PTPRN2: variants seen among roughly 807,000 people sequenced by gnomAD.
PTPRN2 encodes the protein receptor-type tyrosine-protein phosphatase N2.
In PTPRN2, 74 loss-of-function variants were observed where a neutral mutation model predicts 118.8. The observed-to-expected ratio is 0.62, with a 90% CI of 0.52 to 0.76. The LOEUF is 0.76. Among genes scored for constraint, PTPRN2 ranks in the 30% least tolerant of loss-of-function variants. PTPRN2 has a pLI of 0.00. For synonymous variants in PTPRN2, 641 were observed against 608.0 expected (o/e 1.05, Z -0.80); for missense variants, 1,481 against 1,394.4 (o/e 1.06, Z -0.99).
intron 12 of PTPRN2, among the ~76,000 whole-genome samples, chr7:157,802,116 C>T (rs748799121): frequency 6.6e-6 from 1 of 152,186 alleles, no homozygotes; most frequent in African/African-American, 2.4e-5. Flanking sequence ...CGAGGCCCAC[C>T]GTGTTGACAC....
intron 13 of PTPRN2, among the ~76,000 whole-genome samples, chr7:157,673,558 C>G (rs2150786018): frequency 6.6e-6 from 1 of 152,204 alleles, no homozygotes; most frequent in East Asian, 1.9e-4. Context: ...GCTGTCTGCC[C>G]CTGGAAGCCC....
chr7:158,210,540 G>C lies in PTPRN2; in HGVS notation c.278-5267C>G, dbSNP rs566723099. On this transcript the variant is annotated intron_variant, in intron 3 of 22. Transcript: ENST00000389418. ...CAAAAGATCAATGAAACAAAAAGTT[G>C]GTTTTTGAAAAGATAAAATTGACAA... 2.0e-5 allele frequency among the ~76,000 whole-genome samples: 3 copies of C among 151,968 alleles called. No individual in the cohort carries two copies. The South Asian group carries it at 6.2e-4, about 32-fold the overall frequency.
chr7:158,441,438 GGCA>G (rs1434351552), intron 2 of PTPRN2, among the ~76,000 whole-genome samples: 2 of 146,402 alleles, frequency 1.4e-5, no homozygotes. Flanking sequence ...TGATGGTGAT[GGCA>G]GTGGTGGCAG....
At chr7:157,968,416 C>T (rs146637185) in intron 11 of PTPRN2, among the ~76,000 whole-genome samples, 166 of 152,244 alleles carry the variant, frequency 1.1e-3, no homozygotes, top group Non-Finnish European at 1.9e-3. Flanking sequence ...CAGAGCCTTC[C>T]ATCAATCTGT....
intron 12 of PTPRN2, among the ~76,000 whole-genome samples, chr7:157,776,160 CTCCTCCCTG>C (rs1803210109): frequency 6.9e-6 from 1 of 145,978 alleles, no homozygotes; most frequent in South Asian, 2.3e-4. Context: ...CCTTTTTCAC[CTCCTCCCTG>C]TCCTCCTTCT....
At chr7:158,155,499 T>A (rs201933137) in intron 6 of PTPRN2, among the ~76,000 whole-genome samples, 49 of 86,730 alleles carry the variant, frequency 5.6e-4, no homozygotes, top group South Asian at 1.7e-3. Context: ...ACCATCACCA[T>A]CATCACCAAT....
chr7:158,246,510 G>A (rs964613869), intron 3 of PTPRN2, among the ~76,000 whole-genome samples: 1 of 151,042 alleles, frequency 6.6e-6, no homozygotes, highest in African/African-American at 2.4e-5. Context: ...CTGACGATAA[G>A]AAAATGTGAG....
intron 12 of PTPRN2, among the ~76,000 whole-genome samples, chr7:157,713,765 G>C (rs574685748): frequency 9.3e-4 from 142 of 152,336 alleles, no homozygotes; most frequent in African/African-American, 3.4e-3. Context: ...GCCAGATCCA[G>C]CTTTGCTACG....
intron 12 of PTPRN2, among the ~76,000 whole-genome samples, chr7:157,856,894 C>T (rs1045412341): frequency 6.6e-6 from 1 of 152,190 alleles, no homozygotes; most frequent in African/African-American, 2.4e-5. Flanking sequence ...TTTGAACAAC[C>T]TGTACATTCA....
rs1278067441 is a variant in PTPRN2 at position 157,615,391 on chromosome 7, C to G, written c.2344+5971G>C. ...TTGGGCTCCCTAACCTCCTTCAGCCCCAGCTCTGTCCCTGTGTGAATCTCA... is the reference window on the plus strand; with the variant it reads ...TTGGGCTCCCTAACCTCCTTCAGCCGCAGCTCTGTCCCTGTGTGAATCTCA... On this transcript the variant is annotated intron_variant, in intron 15 of 22. Transcript: ENST00000389418. The surrounding 1 kb of genome is among the most constrained non-coding windows in gnomAD (Gnocchi z 4.3). 1 of 467,736 alleles carries G rather than the reference C, an allele frequency of 2.1e-6. No individual in the cohort carries two copies. The highest frequency in any genetic ancestry group is 1.6e-5 in the South Asian group (1 of 64,294). The allele number at this position is 467,736 out of a possible 1,614,324, so 29.0% of individuals were successfully genotyped here. A position where few individuals can be genotyped will look rare whatever the true frequency, so the allele number is the denominator to read the frequency against.
intron 2 of PTPRN2, among the ~76,000 whole-genome samples, chr7:158,483,953 C>A (rs187940192): frequency 6.6e-6 from 1 of 151,964 alleles, no homozygotes; most frequent in Non-Finnish European, 1.5e-5. Context: ...GCCTGGGAAA[C>A]ATAGTGAGAC....
intron 11 of PTPRN2, among the ~76,000 whole-genome samples, chr7:157,900,880 T>G (rs1797398104): frequency 6.6e-6 from 1 of 152,168 alleles, no homozygotes; most frequent in African/African-American, 2.4e-5. Context: ...GTGACACTAC[T>G]AAAGGGAATG....
At chr7:158,457,091 G>C (rs75445030) in intron 2 of PTPRN2, among the ~76,000 whole-genome samples, 2,875 of 152,162 alleles carry the variant, frequency 0.019, 85 homozygotes, top group South Asian at 0.067. Context: ...AATATCCAAG[G>C]AGGGTCCATC....
At chr7:157,910,168 G>A (rs753782326) in intron 11 of PTPRN2, among the ~76,000 whole-genome samples, 1 of 152,094 alleles carries the variant, frequency 6.6e-6, no homozygotes, top group Non-Finnish European at 1.5e-5. Flanking sequence ...GAGCACGGGT[G>A]CAGGATCACG....
Position 158,036,814 on chromosome 7 carries a change from T to C in PTPRN2, c.1723+44484A>G, listed in dbSNP as rs184526455. 3.9e-5 allele frequency among the ~76,000 whole-genome samples: 6 copies of C among 152,230 alleles called. No homozygotes were observed. The East Asian group carries it at 9.7e-4, about 24-fold the overall frequency. ...ATAATCATCCTTTAACAAGGTAAAA[T>C]GTCAAAGACATTTTCTTAATGCTTG... On this transcript the variant is annotated intron_variant, in intron 11 of 22. Coordinates refer to ENST00000389418, the MANE Select transcript of PTPRN2 (RefSeq NM_002847.5).
intron 12 of PTPRN2, among the ~76,000 whole-genome samples, chr7:157,728,304 G>A (rs1222881240): frequency 2.0e-5 from 3 of 152,268 alleles, no homozygotes; most frequent in African/African-American, 4.8e-5. Context: ...AAGGGCTGCT[G>A]TTGCACCCCA....
At chr7:157,772,344 T>C (rs993066155) in intron 12 of PTPRN2, among the ~76,000 whole-genome samples, 1,608 of 99,872 alleles carry the variant, frequency 0.016, 62 homozygotes, top group East Asian at 0.12. Flanking sequence ...CACACAGACA[T>C]ACACACACAC....
rs1563047098 is a variant in PTPRN2, at chr7:157,729,388, C to T, written c.1789-46451G>A. Among the ~76,000 whole-genome samples the T allele has an allele frequency of 6.6e-6, 1 of 152,068 alleles. No homozygotes were observed. The highest frequency in any genetic ancestry group is 1.5e-5 in the Non-Finnish European group (1 of 68,026). On this transcript the variant is annotated intron_variant, in intron 12 of 22. Coordinates refer to ENST00000389418, the MANE Select transcript of PTPRN2 (RefSeq NM_002847.5). The surrounding 1 kb of genome is among the most constrained non-coding windows in gnomAD (Gnocchi z 4.3). ...GGCTGGATGCCTTCAGGTCCCGGACCCCCCACTCTGCTCCCGTGGACAGCT... is the reference window on the plus strand; with the variant it reads ...GGCTGGATGCCTTCAGGTCCCGGACTCCCCACTCTGCTCCCGTGGACAGCT...
In PTPRN2 at chr7:157,629,590, C is replaced by T. The variant is rs1019863576; in HGVS notation, c.2197-8081G>A. On this transcript the variant is annotated intron_variant, in intron 14 of 22. Transcript: ENST00000389418. The surrounding 1 kb of genome is among the most constrained non-coding windows in gnomAD (Gnocchi z 4.4). ...GTGAGTCCCCACGGATGACTGGAGGCGCCCATCATCACTCCGTGGGTCTTC... is the reference window on the plus strand; with the variant it reads ...GTGAGTCCCCACGGATGACTGGAGGTGCCCATCATCACTCCGTGGGTCTTC... Among the ~76,000 whole-genome samples, 1 of 151,188 alleles carries T rather than the reference C, an allele frequency of 6.6e-6. No individual in the cohort carries two copies. Among genetic ancestry groups the T allele is most frequent in the Non-Finnish European group, 1.5e-5 (1 of 67,814 alleles).
Sources: gnomAD v4.1 joint callset for allele counts (sites outside exome capture counted in the v4.1 genomes callset) on GRCh38, gnomAD v4.1.1 for gene constraint, Gnocchi (gnomAD v3.1) non-coding constraint, MANE v1.5 for transcripts, NCBI Gene and HGNC (gene_info 2026-07-23, HGNC 2026-07-21) for gene names.